ABI3BP: variants seen among roughly 807,000 people sequenced by gnomAD.
ABI3BP encodes the protein ABI family member 3 binding protein, also known as target of Nesh-SH3.
Under a neutral mutation model 268.6 loss-of-function variants are expected in ABI3BP, and 216 were observed. The ratio of observed to expected loss-of-function variants is 0.80; its 90% CI spans 0.72 to 0.90. The LOEUF (loss-of-function observed/expected upper bound fraction) is 0.90, where lower values mean the gene tolerates loss of function less well. ABI3BP is among the 40% of genes least tolerant of loss of function. The probability of loss-of-function intolerance (pLI) is 0.00; values close to 1 mark genes in which losing one functional copy is unlikely to be tolerated. For synonymous variants in ABI3BP, 730 were observed against 730.0 expected (o/e 1.00, Z 0.00); for missense variants, 2,090 against 2,182.4 (o/e 0.96, Z 0.84).
At chr3:100,831,840 G>A (rs2098500394) in intron 31 of ABI3BP, among the ~76,000 whole-genome samples, 1 of 152,152 alleles carries the variant, frequency 6.6e-6, no homozygotes, top group Admixed American at 6.6e-5. Context: ...TAAACATGCT[G>A]CCTCATATTC....
At chr3:100,877,489 C>T (rs2099172431) in intron 6 of ABI3BP, among the ~76,000 whole-genome samples, 2 of 152,212 alleles carry the variant, frequency 1.3e-5, no homozygotes, top group Admixed American at 1.3e-4. Context: ...GAGGACTCTG[C>T]TTCCTCTCCT....
chr3:100,975,517 C>T (rs774700957), intron 1 of ABI3BP, among the ~76,000 whole-genome samples: 104 of 152,064 alleles, frequency 6.8e-4, no homozygotes, highest in Non-Finnish European at 1.2e-3. Context: ...CTAGTGGCAC[C>T]CTCCCTGTTG....
intron 2 of ABI3BP, among the ~76,000 whole-genome samples, chr3:100,918,360 T>A (rs1035407975): frequency 6.6e-6 from 1 of 150,392 alleles, no homozygotes; most frequent in African/African-American, 2.5e-5. Context: ...ACTCATCTAT[T>A]CCTTTATTGT....
chr3:100,774,837 T>C (rs954659672), intron 60 of ABI3BP, among the ~76,000 whole-genome samples, 164 bp from the exon 61 acceptor site: 1 of 152,180 alleles, frequency 6.6e-6, no homozygotes, highest in African/African-American at 2.4e-5. Flanking sequence ...AGGCCATTAG[T>C]TGTGTCCTGC....
rs1226375723 is a variant in ABI3BP, at chr3:100,835,624, G to C, written c.2168C>G (p.Thr723Ser). 6.5e-7 allele frequency: 1 copy of C among 1,535,266 alleles called. No homozygotes were observed. Residue 723 changes from threonine (T) to serine (S), a missense_variant, in exon 28 of 68, where the codon ACT (threonine) becomes AGT (serine). Transcript: ENST00000471714. ...ACCTAATGTTGTCACTGTAGCCTCA[G>C]TTCTCACAGTTACAGGCTCAATGTC... ...TTDIEPVTVR[T>S]EATVTTLAPK...
At chr3:100,853,759 G>A (rs574157236) in intron 14 of ABI3BP, among the ~76,000 whole-genome samples, 2 of 152,294 alleles carry the variant, frequency 1.3e-5, no homozygotes, top group Admixed American at 1.3e-4. Context: ...ATTCGCTGGG[G>A]AAAGAAGCCT....
chr3:100,830,994 A>C (rs943543115), intron 31 of ABI3BP, among the ~76,000 whole-genome samples: 1 of 152,212 alleles, frequency 6.6e-6, no homozygotes, highest in Non-Finnish European at 1.5e-5. Context: ...GAAGCCAAAA[A>C]ACCAAAGAGC....
At position 100,782,728 on chromosome 3, in the gene ABI3BP, G is replaced by A; in HGVS notation, c.4163-2519C>T. Among the ~76,000 whole-genome samples the A allele has an allele frequency of 1.3e-5, 2 of 152,050 alleles. 1 individual carries two copies. Among genetic ancestry groups the A allele is most frequent in the Middle Eastern group, 6.3e-3 (2 of 316 alleles). On this transcript the variant is annotated intron_variant, in intron 57 of 67. Transcript: ENST00000471714. ...ATGAAGGTCAAAGGTAGCAGAGAGG[G>A]AATGGGAAGAGAAAGGAGAAAATCA...
rs761865199 is a variant in ABI3BP at position 100,886,303 on chromosome 3, C to T, written c.482G>A (p.Arg161Gln). ...PNDRFYTIRY[R>Q]EKDKEKKWIF... ...CCACTTCTTTTCTTTATCCTTTTCT[C>T]GATAGCGAATTGTATAAAATCTGTT... The change falls in exon 5 of 68, where the codon CGA becomes CAA. Residue 161 changes from arginine (R) to glutamine (Q), a missense_variant. Physicochemically the swap from Arg to Gln is conservative, Grantham distance 43 (BLOSUM62 1). Transcript: ENST00000471714. The T allele has an allele frequency of 3.8e-6, 6 of 1,598,894 alleles. No homozygotes were observed. Among genetic ancestry groups the T allele is most frequent in the South Asian group, 3.4e-5 (3 of 88,946 alleles).
intron 20 of ABI3BP, among the ~76,000 whole-genome samples, chr3:100,843,064 T>G (rs1296062254): frequency 1.3e-5 from 2 of 152,194 alleles, no homozygotes; most frequent in African/African-American, 4.8e-5. Context: ...AAAAAAGAAC[T>G]ATAACAAGTT....
At chr3:100,860,656 G>A (rs1218042506) in intron 14 of ABI3BP, among the ~76,000 whole-genome samples, 1 of 152,046 alleles carries the variant, frequency 6.6e-6, no homozygotes, top group Non-Finnish European at 1.5e-5. Flanking sequence ...TAATTCATAT[G>A]CCAGGTATTA....
chr3:100,783,287 G>A (rs1467368863), intron 57 of ABI3BP, among the ~76,000 whole-genome samples: 2 of 152,180 alleles, frequency 1.3e-5, no homozygotes, highest in Non-Finnish European at 2.9e-5. Flanking sequence ...TCAGCCTGAG[G>A]GGACTGGATT....
chr3:100,943,541 C>T (rs1406956227), intron 1 of ABI3BP, among the ~76,000 whole-genome samples: 1 of 152,082 alleles, frequency 6.6e-6, no homozygotes, highest in Non-Finnish European at 1.5e-5. Context: ...AAAATTTCCT[C>T]ATGCCCCTTC....
chr3:100,986,052 C>T (rs1357306570), intron 1 of ABI3BP, among the ~76,000 whole-genome samples: 1 of 152,130 alleles, frequency 6.6e-6, no homozygotes, highest in African/African-American at 2.4e-5. Flanking sequence ...GATGGGTTGT[C>T]ACTTCTGTGA....
intron 64 of ABI3BP, 150 bp from the exon 65 acceptor site, chr3:100,753,998 C>T: frequency 1.2e-6 from 1 of 847,708 alleles, no homozygotes; most frequent in Non-Finnish European, 1.9e-6. Flanking sequence ...TGAAAGTTTG[C>T]TTTGTTTTGG....
At chr3:100,911,514 C>A in intron 2 of ABI3BP, 1 of 498,166 alleles carries the variant, frequency 2.0e-6, no homozygotes, top group Non-Finnish European at 3.7e-6. Context: ...TGCATATACT[C>A]CTTAATTCCT....
At chr3:100,897,375 G>A (rs1326583512) in intron 4 of ABI3BP, among the ~76,000 whole-genome samples, 1 of 151,852 alleles carries the variant, frequency 6.6e-6, no homozygotes, top group Non-Finnish European at 1.5e-5. Flanking sequence ...ATGCGAAAAT[G>A]TTTATACAGT....
intron 5 of ABI3BP, among the ~76,000 whole-genome samples, chr3:100,885,853 G>C (rs6794900): frequency 0.72 from 108,442 of 151,540 alleles, 39,927 homozygotes; most frequent in Non-Finnish European, 0.8. Context: ...TGTTTTTCTG[G>C]TTCTGTTGGT....
At chr3:100,965,585 A>G (rs1022871006) in intron 1 of ABI3BP, among the ~76,000 whole-genome samples, 1 of 152,082 alleles carries the variant, frequency 6.6e-6, no homozygotes, top group African/African-American at 2.4e-5. Flanking sequence ...TTTATACATC[A>G]TTAATTTAAA....
Sources: gnomAD v4.1 joint callset for allele counts (sites outside exome capture counted in the v4.1 genomes callset) on GRCh38, gnomAD v4.1.1 for gene constraint, MANE v1.5 for transcripts, NCBI Gene and HGNC (gene_info 2026-07-23, HGNC 2026-07-21) for gene names.